The following DNAH3 variants were observed in gnomAD, a reference collection of about 807,000 sequenced individuals.
DNAH3 encodes the protein dynein axonemal heavy chain 3.
In DNAH3, 332 loss-of-function variants were observed where a neutral mutation model predicts 432.5. The ratio of observed to expected loss-of-function variants is 0.77; its 90% CI spans 0.70 to 0.84. The LOEUF (loss-of-function observed/expected upper bound fraction) is 0.84, where lower values mean the gene tolerates loss of function less well. DNAH3 is among the 40% of genes least tolerant of loss of function. The pLI is 0.00. For missense variants in DNAH3, 4,861 were observed against 5,114.0 expected, an observed-to-expected ratio of 0.95 and a Z score of 1.51; for synonymous variants, 1,956 against 1,900.2, an observed-to-expected ratio of 1.03 and a Z score of -0.76.
chr16:21,154,270 T>G (rs1440849654), intron 1 of DNAH3, among the ~76,000 whole-genome samples: 2 of 152,178 alleles, frequency 1.3e-5, no homozygotes, highest in African/African-American at 4.8e-5. Flanking sequence ...CCGGGCGTGG[T>G]GGCAGGCACC....
At chr16:21,084,970 C>T (rs1015539723) in intron 19 of DNAH3, among the ~76,000 whole-genome samples, 4 of 149,990 alleles carry the variant, frequency 2.7e-5, no homozygotes, top group African/African-American at 7.3e-5. Flanking sequence ...ACCCCCCCAT[C>T]CCCCCGATGC....
intron 6 of DNAH3, 103 bp from the exon 8 acceptor site, chr16:21,134,557 T>C: frequency 9.2e-7 from 1 of 1,092,738 alleles, no homozygotes; most frequent in Non-Finnish European, 1.3e-6. Flanking sequence ...GGGGTCTCAC[T>C]AAGTTGGCCA....
chr16:20,962,117 C>T lies in DNAH3; in HGVS notation c.10600+1167G>A, dbSNP rs191583650. On this transcript the variant is annotated intron_variant, in intron 53 of 61. Coordinates refer to ENST00000261383, the Ensembl canonical transcript of DNAH3. ...TGGAGGTTGCAGTGAGCCAATATCA[C>T]GCCACTGCAGTCCAGCCTGGGCGAT... 7.4e-4 allele frequency among the ~76,000 whole-genome samples: 112 copies of T among 151,584 alleles called. No homozygotes were observed. In the Middle Eastern group the frequency reaches 0.01, roughly 14 times the overall value.
At chr16:21,130,813 T>C (rs2092542421) in intron 7 of DNAH3, among the ~76,000 whole-genome samples, 1 of 152,232 alleles carries the variant, frequency 6.6e-6, no homozygotes, top group Non-Finnish European at 1.5e-5. Context: ...TGATTATCTA[T>C]TATCTTCTGA....
intron 18 of DNAH3, among the ~76,000 whole-genome samples, chr16:21,093,224 C>T (rs912156998): frequency 6.6e-6 from 1 of 152,138 alleles, no homozygotes; most frequent in African/African-American, 2.4e-5. Context: ...ACAGTTTGGC[C>T]GTTTCTTACA....
Position 20,964,743 on chromosome 16 carries a change from A to AT in DNAH3, c.9140dup (p.Asp3047GlufsTer16). ...TCTGCCAGGCACGGATTTTTATGGG[A>AT]TCCCCTAACGTGTGGCTGAGACTGA... On this transcript the variant is annotated frameshift_variant, in exon 53 of 62. Coordinates refer to ENST00000261383, the Ensembl canonical transcript of DNAH3. LOFTEE classifies it high-confidence loss of function. The AT allele has an allele frequency of 1.2e-6, 2 of 1,614,126 alleles. No homozygotes were observed. The highest frequency in any genetic ancestry group is 1.7e-6 in the Non-Finnish European group (2 of 1,180,022).
exon 61 of DNAH3, chr16:20,935,469 C>T: frequency 6.2e-7 from 1 of 1,611,602 alleles, no homozygotes; most frequent in Non-Finnish European, 8.5e-7. Flanking sequence ...CACAGGGGGC[C>T]CCTTGTCAAT....
At chr16:20,970,073 G>C in intron 51 of DNAH3, 83 bp from the exon 52 acceptor site, 3 of 1,288,352 alleles carry the variant, frequency 2.3e-6, no homozygotes, top group Non-Finnish European at 3.3e-6. Context: ...TCCTACATGA[G>C]GAAGAAGGAA....
At chr16:21,104,667 G>A (rs982809275) in intron 15 of DNAH3, 73 bp from the exon 16 acceptor site, 2 of 846,822 alleles carry the variant, frequency 2.4e-6, no homozygotes, top group African/African-American at 3.3e-5. Context: ...GAATTAATTA[G>A]ACAGAACAAG....
intron 49 of DNAH3, among the ~76,000 whole-genome samples, chr16:20,980,170 A>AAAT (rs1555516900): frequency 1.2e-4 from 16 of 133,628 alleles, no homozygotes; most frequent in South Asian, 2.3e-4. Flanking sequence ...TAGAAAAAAA[A>AAAT]ATATATATAT....
At chr16:21,125,510 TCCAG>T (rs1312154120) in intron 8 of DNAH3, 140 bp from the exon 10 acceptor site, 2 of 545,630 alleles carry the variant, frequency 3.7e-6, no homozygotes, top group Non-Finnish European at 6.0e-6. Flanking sequence ...ACTTTCAATT[TCCAG>T]CCACCTTACC....
intron 52 of DNAH3, 112 bp from the exon 53 acceptor site, chr16:20,965,537 TGA>T (rs1336902167): frequency 4.3e-6 from 4 of 927,326 alleles, no homozygotes; most frequent in Non-Finnish European, 6.1e-6. Flanking sequence ...AAACATGGTC[TGA>T]GAGGCCCAGC....
chr16:20,970,316 G>A (rs2085280761), intron 51 of DNAH3, among the ~76,000 whole-genome samples: 1 of 152,190 alleles, frequency 6.6e-6, no homozygotes, highest in Non-Finnish European at 1.5e-5. Context: ...TTGAGGTCAG[G>A]AGTTCCAGAC....
chr16:20,935,447 G>T (rs747621768), exon 61 of DNAH3: 1 of 1,611,758 alleles, frequency 6.2e-7, no homozygotes, highest in East Asian at 2.2e-5. Context: ...AGAATCCAGA[G>T]ATCCAAAATA....
chr16:20,944,212 A>AG (rs1567501706), intron 58 of DNAH3, among the ~76,000 whole-genome samples: 1 of 152,226 alleles, frequency 6.6e-6, no homozygotes, highest in Non-Finnish European at 1.5e-5. Context: ...AAAAAAAAAA[A>AG]GAATAAAACC....
chr16:20,957,808 C>CAAAAAAAAAAAAAAA lies in DNAH3; in HGVS notation c.10826+1356_10826+1370dup, dbSNP rs762197650. Reference sequence around the variant, plus strand: ...GGCAATAAGAGCGAAACTCCATCTCCAAAAAAAAAAAAAAAAAAAAAAAAA... The same window carrying CAAAAAAAAAAAAAAA: ...GGCAATAAGAGCGAAACTCCATCTCCAAAAAAAAAAAAAAAAAAAAAAAAAAAAAAAAAAAAAAAA... On this transcript the variant is annotated intron_variant, in intron 54 of 61. Coordinates refer to ENST00000261383, the Ensembl canonical transcript of DNAH3. 7.1e-4 allele frequency among the ~76,000 whole-genome samples: 38 copies of CAAAAAAAAAAAAAAA among 53,274 alleles called. 5 individuals are homozygous for CAAAAAAAAAAAAAAA. The highest frequency in any genetic ancestry group is 4.3e-3 in the East Asian group (9 of 2,100). 34.9% of individuals were successfully genotyped at this position (53,274 alleles called of 152,430 possible). A position where few individuals can be genotyped will look rare whatever the true frequency, so the allele number is the denominator to read the frequency against.
At chr16:21,041,378 A>G (rs746207472) in intron 32 of DNAH3, among the ~76,000 whole-genome samples, 23 of 152,220 alleles carry the variant, frequency 1.5e-4, no homozygotes, top group Middle Eastern at 3.4e-3. Flanking sequence ...CTCAAAAAAA[A>G]AGAGAGAGAG....
chr16:21,104,723 G>A, intron 15 of DNAH3, 129 bp from the exon 16 acceptor site: 1 of 604,488 alleles, frequency 1.7e-6, no homozygotes, highest in Non-Finnish European at 3.0e-6. Flanking sequence ...ACATGGATGA[G>A]TGACAGTGAC....
intron 5 of DNAH3, among the ~76,000 whole-genome samples, chr16:21,137,586 C>A (rs2092661576): frequency 1.3e-5 from 2 of 152,020 alleles, no homozygotes; most frequent in Non-Finnish European, 2.9e-5. Flanking sequence ...CCACAGCCAG[C>A]TAATTTTTGT....
Sources: allele counts gnomAD v4.1 joint callset (sites outside exome capture counted in the v4.1 genomes callset), GRCh38; gene constraint gnomAD v4.1.1; transcripts MANE v1.5; gene names NCBI Gene and HGNC (gene_info 2026-07-23, HGNC 2026-07-21).